The following HNRNPC variants were observed in gnomAD, a reference collection of about 807,000 sequenced individuals.
The protein encoded by HNRNPC is heterogeneous nuclear ribonucleoproteins C1/C2.
HNRNPC carries 3 observed loss-of-function variants against 33.2 expected under a neutral mutation model. That is an observed-to-expected ratio of 0.09 (90% CI 0.04 to 0.23). HNRNPC has a LOEUF of 0.23. Ranked by LOEUF, HNRNPC falls within the 10% of genes least tolerant of loss-of-function variation. The pLI, the probability that HNRNPC is intolerant of heterozygous loss-of-function variation, is 1.00. For synonymous variants in HNRNPC, 121 were observed against 126.7 expected (o/e 0.96, Z 0.30); for missense variants, 143 against 366.7 (o/e 0.39, Z 4.98).
At chr14:21,255,992 G>A (rs1406745919) in intron 2 of HNRNPC, among the ~76,000 whole-genome samples, 2 of 152,146 alleles carry the variant, frequency 1.3e-5, no homozygotes, top group South Asian at 2.1e-4. Context: ...CATATCCAAT[G>A]TGTTCAATAC....
chr14:21,222,141 A>T (rs1182200471), intron 5 of HNRNPC, among the ~76,000 whole-genome samples: 1 of 151,792 alleles, frequency 6.6e-6, no homozygotes, highest in East Asian at 1.9e-4. Flanking sequence ...ATACCACCAC[A>T]CTCTCACTAG....
chr14:21,267,722 T>C (rs1221310603), intron 1 of HNRNPC, among the ~76,000 whole-genome samples: 1 of 152,204 alleles, frequency 6.6e-6, no homozygotes, highest in Non-Finnish European at 1.5e-5. Context: ...GGTGCGCTGA[T>C]ATACATACTG....
intron 5 of HNRNPC, among the ~76,000 whole-genome samples, chr14:21,226,897 G>GAAAAA (rs1566608876): frequency 2.1e-4 from 11 of 52,322 alleles, no homozygotes; most frequent in African/African-American, 6.4e-4. Flanking sequence ...AAAAAAAAAG[G>GAAAAA]GGGGGGGGGG....
At chr14:21,259,018 G>A (rs1877717686) in intron 2 of HNRNPC, among the ~76,000 whole-genome samples, 1 of 152,112 alleles carries the variant, frequency 6.6e-6, no homozygotes, top group Non-Finnish European at 1.5e-5. Context: ...GATTCTACTT[G>A]TGCCCAAGAC....
At chr14:21,267,456 T>C (rs1249250400) in intron 1 of HNRNPC, among the ~76,000 whole-genome samples, 5 of 152,160 alleles carry the variant, frequency 3.3e-5, no homozygotes, top group African/African-American at 7.2e-5. Flanking sequence ...TCAAATCCTC[T>C]AGAGATTTAA....
intron 5 of HNRNPC, among the ~76,000 whole-genome samples, chr14:21,218,758 G>C (rs956660920): frequency 1.4e-5 from 2 of 145,654 alleles, no homozygotes; most frequent in African/African-American, 5.1e-5. Context: ...CCAGCACTTT[G>C]GAAGGCCAAG....
At chr14:21,233,426 T>C (rs1894332878) in intron 3 of HNRNPC, among the ~76,000 whole-genome samples, 2 of 152,214 alleles carry the variant, frequency 1.3e-5, no homozygotes, top group Non-Finnish European at 2.9e-5. Context: ...AAGGTACACA[T>C]AAAATGAGAA....
chr14:21,235,534 A>T (rs144019552), intron 2 of HNRNPC, among the ~76,000 whole-genome samples: 2 of 152,300 alleles, frequency 1.3e-5, no homozygotes, highest in African/African-American at 2.4e-5. Flanking sequence ...TCTGAAATTC[A>T]AAAGTCTGTC....
At chr14:21,211,641 C>A in intron 7 of HNRNPC, 75 bp from the exon 8 acceptor site, 4 of 1,515,584 alleles carry the variant, frequency 2.6e-6, no homozygotes, top group South Asian at 1.2e-5. Flanking sequence ...CTAAGGATCA[C>A]AGAACTGCAG....
intron 1 of HNRNPC, among the ~76,000 whole-genome samples, 195 bp downstream of exon 1, chr14:21,269,103 A>G (rs1043635340): frequency 2.0e-5 from 3 of 152,110 alleles, no homozygotes; most frequent in African/African-American, 7.2e-5. Context: ...CGTGGCCTAG[A>G]GGACACCAGG....
intron 2 of HNRNPC, among the ~76,000 whole-genome samples, chr14:21,235,149 C>T (rs780536828): frequency 1.3e-5 from 2 of 152,200 alleles, no homozygotes; most frequent in South Asian, 2.1e-4. Context: ...CATCTCAGGT[C>T]CCGTAAAGCG....
intron 2 of HNRNPC, among the ~76,000 whole-genome samples, chr14:21,242,079 A>G (rs1481368123): frequency 1.3e-5 from 2 of 152,246 alleles, no homozygotes; most frequent in Admixed American, 1.3e-4. Context: ...CTGCACACGC[A>G]AAGGTCAAAA....
rs111866615 is a variant in HNRNPC, at chr14:21,217,930, G to C, written c.366-4813C>G. Among the ~76,000 whole-genome samples, 504 of 152,172 alleles carry C rather than the reference G, an allele frequency of 3.3e-3. 1 individual carries two copies. The highest frequency in any genetic ancestry group is 0.012 in the African/African-American group (481 of 41,520). On this transcript the variant is annotated intron_variant, in intron 5 of 8. Transcript: ENST00000553300. The stretch of plus-strand genomic sequence containing the variant: ...GGGAAGACAATTTGAAAATGCACCT[G>C]AAAACTTTCTCAGTCAAAAAGAATC...
intron 5 of HNRNPC, among the ~76,000 whole-genome samples, chr14:21,225,048 C>T (rs1407280158): frequency 1.3e-5 from 2 of 152,076 alleles, no homozygotes; most frequent in South Asian, 2.1e-4. Context: ...ACCAAGTCTC[C>T]GCTGTCATAA....
intron 5 of HNRNPC, among the ~76,000 whole-genome samples, chr14:21,222,523 T>C (rs1424390030): frequency 1.3e-5 from 2 of 152,192 alleles, no homozygotes; most frequent in Admixed American, 6.5e-5. Flanking sequence ...AGTACTTCTT[T>C]CATTTTATGG....
intron 2 of HNRNPC, among the ~76,000 whole-genome samples, chr14:21,257,101 G>A (rs1352014103): frequency 6.6e-6 from 1 of 152,206 alleles, no homozygotes; most frequent in Admixed American, 6.5e-5. Flanking sequence ...TGAACATCAG[G>A]AGCACAGTTT....
At position 21,254,779 on chromosome 14, in the gene HNRNPC, G is replaced by A. The variant is rs185723234; in HGVS notation, c.-37+8532C>T. 1.6e-3 allele frequency among the ~76,000 whole-genome samples: 240 copies of A among 152,218 alleles called. 1 individual carries two copies. The highest frequency in any genetic ancestry group is 5.3e-3 in the African/African-American group (220 of 41,526). ...AAATTAGCCAGGCGTGGTGGCAGGC[G>A]CCTGTAATCCCAGCTACTCGGGAAG... On this transcript the variant is annotated intron_variant, in intron 2 of 8. Coordinates refer to ENST00000553300, the MANE Select transcript of HNRNPC (RefSeq NM_004500.4).
At chr14:21,255,369 T>A (rs1336066135) in intron 2 of HNRNPC, among the ~76,000 whole-genome samples, 1 of 152,136 alleles carries the variant, frequency 6.6e-6, no homozygotes, top group Non-Finnish European at 1.5e-5. Flanking sequence ...AAAAAAAAGT[T>A]CTCTAATTCA....
chr14:21,217,333 T>C (rs181381823), intron 5 of HNRNPC, among the ~76,000 whole-genome samples: 81 of 152,338 alleles, frequency 5.3e-4, no homozygotes, highest in Non-Finnish European at 9.0e-4. Context: ...ACATGCTGTC[T>C]TAGTCTAGCA....
Sources: gnomAD v4.1 joint callset for allele counts (sites outside exome capture counted in the v4.1 genomes callset) on GRCh38, gnomAD v4.1.1 for gene constraint, MANE v1.5 for transcripts, NCBI Gene and HGNC (gene_info 2026-07-23, HGNC 2026-07-21) for gene names.